NAV3: variants seen among roughly 807,000 people sequenced by gnomAD.
NAV3 encodes the protein pore membrane and/or filament interacting like protein 1.
Under a neutral mutation model 244.7 loss-of-function variants are expected in NAV3, and 87 were observed. That is an observed-to-expected ratio of 0.36 (90% CI 0.30 to 0.42). The LOEUF is 0.42. NAV3 is among the 20% of genes least tolerant of loss of function. NAV3 has a pLI of 1.00. For missense variants in NAV3, 2,663 were observed against 2,893.3 expected (o/e 0.92, Z 1.83); for synonymous variants, 1,126 against 1,042.2 (o/e 1.08, Z -1.55).
At chr12:77,680,793 T>C (rs1247669665) in intron 2 of NAV3, among the ~76,000 whole-genome samples, 3 of 152,124 alleles carry the variant, frequency 2.0e-5, no homozygotes, top group African/African-American at 4.8e-5. Flanking sequence ...CTTGGTTTCA[T>C]ATAGGAGACA....
intron 7 of NAV3, among the ~76,000 whole-genome samples, chr12:77,999,910 G>T (rs527823228): frequency 1.3e-5 from 2 of 152,186 alleles, no homozygotes; most frequent in African/African-American, 4.8e-5. Flanking sequence ...TAGAAATAAA[G>T]ATGTGTTAAA....
intron 1 of NAV3, among the ~76,000 whole-genome samples, chr12:77,925,540 G>T (rs1007985805): frequency 3.2e-4 from 10 of 31,666 alleles, no homozygotes; most frequent in South Asian, 3.9e-3. Context: ...ATGAAAAGGC[G>T]GGGGGAGGTT....
chr12:78,017,508 A>T (rs1027296069), intron 8 of NAV3, among the ~76,000 whole-genome samples: 20 of 152,172 alleles, frequency 1.3e-4, no homozygotes, highest in African/African-American at 4.6e-4. Flanking sequence ...ATAGTTACTC[A>T]TAACATGATG....
intron 2 of NAV3, among the ~76,000 whole-genome samples, chr12:77,809,206 G>A (rs1872157326): frequency 6.6e-6 from 1 of 152,166 alleles, no homozygotes; most frequent in Non-Finnish European, 1.5e-5. Context: ...GGCTTTCCAG[G>A]TGTCACTGGG....
At chr12:78,100,766 G>A (rs1350966298) in intron 12 of NAV3, among the ~76,000 whole-genome samples, 3 of 151,916 alleles carry the variant, frequency 2.0e-5, no homozygotes, top group Admixed American at 2.0e-4. Flanking sequence ...ATTTCCTTTT[G>A]CCTGCTGTAC....
At chr12:78,058,403 T>A (rs979152087) in intron 11 of NAV3, among the ~76,000 whole-genome samples, 2 of 152,094 alleles carry the variant, frequency 1.3e-5, no homozygotes, top group Admixed American at 6.6e-5. Context: ...AGGAGAACAA[T>A]ATGGGGAAAA....
At chr12:77,662,889 T>C (rs1272036633) in intron 2 of NAV3, among the ~76,000 whole-genome samples, 2 of 152,150 alleles carry the variant, frequency 1.3e-5, no homozygotes, top group East Asian at 1.9e-4. Flanking sequence ...TTTCCGTTTT[T>C]TCCCCAGAGG....
chr12:78,051,213 C>A (rs182436045), intron 11 of NAV3, 66 bp downstream of exon 11: 4 of 1,510,050 alleles, frequency 2.6e-6, no homozygotes, highest in Non-Finnish European at 3.6e-6. Context: ...AATGCATTCA[C>A]TATAAACAAA....
intron 18 of NAV3, 93 bp downstream of exon 18, chr12:78,128,959 C>A: frequency 8.3e-7 from 1 of 1,209,808 alleles, no homozygotes; most frequent in Non-Finnish European, 1.2e-6. Context: ...AACACGTTTT[C>A]ATTTAAAGGG....
chr12:77,582,928 A>T (rs1300488489), intron 2 of NAV3, among the ~76,000 whole-genome samples: 1 of 152,228 alleles, frequency 6.6e-6, no homozygotes, highest in Admixed American at 6.5e-5. Flanking sequence ...TTAAGTGCCT[A>T]ATTTACAGCA....
intron 12 of NAV3, among the ~76,000 whole-genome samples, chr12:78,092,399 G>A (rs991813488): frequency 6.7e-6 from 1 of 149,510 alleles, no homozygotes; most frequent in Admixed American, 6.7e-5. Flanking sequence ...TAAAATAATA[G>A]ATCTTTAAAC....
intron 2 of NAV3, among the ~76,000 whole-genome samples, chr12:77,687,650 C>G (rs142362351): frequency 6.6e-6 from 1 of 151,998 alleles, no homozygotes; most frequent in Non-Finnish European, 1.5e-5. Context: ...CATATGGAAG[C>G]GTTCTAGCCT....
At position 77,777,772 on chromosome 12, in the gene NAV3, C is replaced by A. The variant is rs546710425; in HGVS notation, c.73-162547C>A. On this transcript the variant is annotated intron_variant, in intron 2 of 8. Coordinates refer to the NAV3 transcript ENST00000550042. ...GGAGAAAAGACTAGAAGGTACCTCA[C>A]CAAAAATGTTAGTAATTTTCTTTAC... Among the ~76,000 whole-genome samples, 89 of 151,840 alleles carry A rather than the reference C, an allele frequency of 5.9e-4. 1 individual carries two copies. The highest frequency in any genetic ancestry group is 2.1e-3 in the African/African-American group (89 of 41,458).
intron 3 of NAV3, among the ~76,000 whole-genome samples, chr12:77,956,180 G>A (rs1891340974): frequency 6.6e-6 from 1 of 152,134 alleles, no homozygotes; most frequent in African/African-American, 2.4e-5. Flanking sequence ...CTTGAATTCA[G>A]TGTTAGGATT....
chr12:77,597,308 G>A (rs778388021), intron 2 of NAV3, among the ~76,000 whole-genome samples: 2 of 151,992 alleles, frequency 1.3e-5, no homozygotes, highest in African/African-American at 2.4e-5. Flanking sequence ...CCTCTAATCA[G>A]TATTACTCAT....
chr12:78,167,493 G>C (rs1266662226), intron 23 of NAV3, among the ~76,000 whole-genome samples: 1 of 150,960 alleles, frequency 6.6e-6, no homozygotes, highest in Non-Finnish European at 1.5e-5. Flanking sequence ...TCCAAACTTG[G>C]ATATCACTTC....
At chr12:77,656,838 C>A (rs930452797) in intron 2 of NAV3, among the ~76,000 whole-genome samples, 2 of 151,918 alleles carry the variant, frequency 1.3e-5, no homozygotes, top group Admixed American at 6.6e-5. Flanking sequence ...GGAAACTGAA[C>A]AACCTGCTCC....
At chr12:77,654,468 G>T (rs1872984911) in intron 2 of NAV3, among the ~76,000 whole-genome samples, 1 of 152,174 alleles carries the variant, frequency 6.6e-6, no homozygotes, top group South Asian at 2.1e-4. Flanking sequence ...CAACTGGGTG[G>T]AGCCCACCAC....
chr12:77,652,793 A>G (rs1383488361), intron 2 of NAV3, among the ~76,000 whole-genome samples: 3 of 152,244 alleles, frequency 2.0e-5, no homozygotes, highest in African/African-American at 2.4e-5. Flanking sequence ...ATACTTCAGC[A>G]CTGGCTGGAA....
Sources: allele counts gnomAD v4.1 joint callset (sites outside exome capture counted in the v4.1 genomes callset), GRCh38; gene constraint gnomAD v4.1.1; transcripts MANE v1.5; gene names NCBI Gene and HGNC (gene_info 2026-07-23, HGNC 2026-07-21).